The following MTUS2 variants were observed in gnomAD, a reference collection of about 807,000 sequenced individuals.
MTUS2 encodes microtubule-associated tumor suppressor candidate 2.
A neutral mutation model predicts 114.1 loss-of-function variants in MTUS2; 40 were observed. The ratio of observed to expected loss-of-function variants is 0.35; its 90% confidence interval spans 0.27 to 0.46. MTUS2 has a LOEUF of 0.46. Ranked by LOEUF, MTUS2 falls within the 20% of genes least tolerant of loss-of-function variation. The pLI, the probability that MTUS2 is intolerant of heterozygous loss-of-function variation, is 1.00. For synonymous variants in MTUS2, 688 were observed against 672.0 expected, an observed-to-expected ratio of 1.02 and a Z score of -0.37; for missense variants, 1,679 against 1,705.4, an observed-to-expected ratio of 0.98 and a Z score of 0.27.
At chr13:29,164,435 C>T (rs1593546124) in intron 5 of MTUS2, among the ~76,000 whole-genome samples, 1 of 152,198 alleles carries the variant, frequency 6.6e-6, no homozygotes, top group African/African-American at 2.4e-5. Context: ...ATGTAGGTAT[C>T]TTACATAAAT....
At chr13:29,462,493 T>C (rs191618719) in intron 9 of MTUS2, among the ~76,000 whole-genome samples, 184 of 151,880 alleles carry the variant, frequency 1.2e-3, no homozygotes, top group Non-Finnish European at 2.1e-3. Context: ...GGGTGAGAGA[T>C]AGTGGTGGCT....
At chr13:28,905,052 G>A (rs934822872) in intron 2 of MTUS2, among the ~76,000 whole-genome samples, 5 of 151,506 alleles carry the variant, frequency 3.3e-5, no homozygotes, top group African/African-American at 9.8e-5. Context: ...TTGGCTCTCT[G>A]TTTGCCTGTT....
chr13:28,931,470 T>C (rs1248627394), intron 2 of MTUS2, among the ~76,000 whole-genome samples: 1 of 152,042 alleles, frequency 6.6e-6, no homozygotes, highest in African/African-American at 2.4e-5. Flanking sequence ...AGTTGTTCCT[T>C]TGCTTGCTCT....
At chr13:29,425,622 A>T (rs1435497077) in intron 8 of MTUS2, among the ~76,000 whole-genome samples, 1 of 152,216 alleles carries the variant, frequency 6.6e-6, no homozygotes, top group Non-Finnish European at 1.5e-5. Flanking sequence ...AAATAGGGAT[A>T]TGAAGACCTT....
intron 4 of MTUS2, among the ~76,000 whole-genome samples, chr13:29,093,785 C>T (rs1448129201): frequency 6.6e-6 from 1 of 152,146 alleles, no homozygotes; most frequent in Non-Finnish European, 1.5e-5. Flanking sequence ...ACCTTCCATA[C>T]AATGTTAAAC....
In MTUS2 at chr13:29,209,550, G is replaced by T. The variant is rs570593609; in HGVS notation, c.2645-72154G>T. Among the ~76,000 whole-genome samples the T allele has an allele frequency of 2.6e-5, 4 of 151,570 alleles. No individual in the cohort carries two copies. The South Asian group carries it at 8.4e-4, about 32-fold the overall frequency. On this transcript the variant is annotated intron_variant, in intron 5 of 15. Transcript: ENST00000612955. ...TCCTGTGAGTTTTATGCTTTAAGGGGGTTCTATTTTTATATATTTTGAGGA... is the reference window on the plus strand; with the variant it reads ...TCCTGTGAGTTTTATGCTTTAAGGGTGTTCTATTTTTATATATTTTGAGGA...
intron 8 of MTUS2, among the ~76,000 whole-genome samples, chr13:29,396,094 T>G (rs1034007863): frequency 6.6e-6 from 1 of 152,206 alleles, no homozygotes. Flanking sequence ...CACCGGCATT[T>G]GTTGGACACC....
At chr13:28,970,505 A>G (rs927355037) in intron 2 of MTUS2, among the ~76,000 whole-genome samples, 1 of 152,208 alleles carries the variant, frequency 6.6e-6, no homozygotes, top group Non-Finnish European at 1.5e-5. Context: ...TACAACAGGG[A>G]CTGTGTGGCC....
intron 2 of MTUS2, among the ~76,000 whole-genome samples, chr13:28,922,319 A>C (rs1040504311): frequency 2.6e-5 from 4 of 152,198 alleles, no homozygotes; most frequent in African/African-American, 9.7e-5. Flanking sequence ...TCTTTACAGC[A>C]GTTTAAGAAC....
At chr13:29,093,323 A>G (rs551165022) in intron 4 of MTUS2, among the ~76,000 whole-genome samples, 13 of 152,216 alleles carry the variant, frequency 8.5e-5, no homozygotes, top group African/African-American at 2.9e-4. Flanking sequence ...CATGCCTGTA[A>G]TCCCAGCTAT....
intron 6 of MTUS2, among the ~76,000 whole-genome samples, chr13:29,314,295 A>G (rs971329038): frequency 6.6e-6 from 1 of 152,236 alleles, no homozygotes; most frequent in Non-Finnish European, 1.5e-5. Context: ...GGAAAGTTAT[A>G]TGCTGATGGA....
At chr13:29,193,289 G>T (rs1421044162) in intron 5 of MTUS2, among the ~76,000 whole-genome samples, 1 of 152,030 alleles carries the variant, frequency 6.6e-6, no homozygotes, top group Non-Finnish European at 1.5e-5. Context: ...AGTAAATATA[G>T]AACACACCAT....
At chr13:29,265,223 C>T (rs183401992) in intron 5 of MTUS2, among the ~76,000 whole-genome samples, 6 of 152,324 alleles carry the variant, frequency 3.9e-5, no homozygotes, top group African/African-American at 9.6e-5. Flanking sequence ...AGAATGCAGC[C>T]AAGCTCTTTA....
intron 7 of MTUS2, among the ~76,000 whole-genome samples, chr13:29,352,042 T>C (rs1261192036): frequency 6.6e-6 from 1 of 152,172 alleles, no homozygotes; most frequent in South Asian, 2.1e-4. Context: ...CTGCCTATTC[T>C]CTTTTTGCAT....
intron 3 of MTUS2, among the ~76,000 whole-genome samples, chr13:29,032,804 A>C (rs1886888196): frequency 6.6e-6 from 1 of 152,210 alleles, no homozygotes; most frequent in Admixed American, 6.5e-5. Context: ...AATGCTTATG[A>C]TTCCTGAGAT....
intron 5 of MTUS2, among the ~76,000 whole-genome samples, chr13:29,200,140 C>A (rs1181339635): frequency 1.3e-5 from 2 of 151,992 alleles, no homozygotes; most frequent in Non-Finnish European, 2.9e-5. Flanking sequence ...AAAAAACCAG[C>A]TTCTGGATTC....
chr13:29,194,200 T>G (rs370382012), intron 5 of MTUS2, among the ~76,000 whole-genome samples: 1 of 151,582 alleles, frequency 6.6e-6, no homozygotes, highest in African/African-American at 2.4e-5. Flanking sequence ...ACTTCATGTC[T>G]AAAACACCAA....
chr13:29,229,400 C>T (rs1896236950), intron 5 of MTUS2, among the ~76,000 whole-genome samples: 1 of 152,174 alleles, frequency 6.6e-6, no homozygotes, highest in African/African-American at 2.4e-5. Flanking sequence ...GGGTCAAGGA[C>T]ACTTTTAATA....
At chr13:29,307,214 T>C in intron 6 of MTUS2, 3 of 565,596 alleles carry the variant, frequency 5.3e-6, no homozygotes, top group Non-Finnish European at 9.8e-6. Context: ...AGCCTCAAGA[T>C]CATCAGCAAT....
Sources: gnomAD v4.1 joint callset for allele counts (sites outside exome capture counted in the v4.1 genomes callset) on GRCh38, gnomAD v4.1.1 for gene constraint, MANE v1.5 for transcripts, NCBI Gene and HGNC (gene_info 2026-07-23, HGNC 2026-07-21) for gene names.